Variants in FSD1L observed in about 807,000 individuals in gnomAD.
FSD1L encodes the protein fibronectin type III and SPRY domain containing 1 like.
FSD1L carries 45 observed loss-of-function variants against 71.6 expected under a neutral mutation model. The observed-to-expected ratio is 0.63, with a 90% CI of 0.49 to 0.81. FSD1L has a LOEUF of 0.81. Among genes scored for constraint, FSD1L ranks in the 30% least tolerant of loss-of-function variants. The pLI is 0.00. For missense variants in FSD1L, 561 were observed against 618.1 expected (o/e 0.91, Z 0.98); for synonymous variants, 197 against 207.2 (o/e 0.95, Z 0.42).
At chr9:105,494,730 C>A (rs1017820571) in intron 7 of FSD1L, among the ~76,000 whole-genome samples, 1 of 152,142 alleles carries the variant, frequency 6.6e-6, no homozygotes, top group Admixed American at 6.5e-5. Context: ...GACAGGACCT[C>A]AGCTGCAGGT....
intron 4 of FSD1L, among the ~76,000 whole-genome samples, chr9:105,469,045 C>T (rs1402691264): frequency 6.6e-6 from 1 of 152,190 alleles, no homozygotes. Context: ...CCTATTTCCA[C>T]TCAGCATAAT....
At chr9:105,501,275 T>C (rs1008287767) in intron 7 of FSD1L, among the ~76,000 whole-genome samples, 1 of 152,174 alleles carries the variant, frequency 6.6e-6, no homozygotes, top group Admixed American at 6.6e-5. Flanking sequence ...GGTAGTTATA[T>C]GATAGTTATA....
chr9:105,462,368 C>G (rs1441240553), intron 2 of FSD1L, among the ~76,000 whole-genome samples: 1 of 151,060 alleles, frequency 6.6e-6, no homozygotes, highest in Non-Finnish European at 1.5e-5. Context: ...TTACAGGCGC[C>G]CATCACCACG....
chr9:105,508,190 T>A (rs1274394385), intron 8 of FSD1L, among the ~76,000 whole-genome samples: 1 of 147,924 alleles, frequency 6.8e-6, no homozygotes. Context: ...TTTTTTTTTT[T>A]TTTTTGAGAC....
rs115648482 is a variant in FSD1L, at chr9:105,459,484, C to T, written c.16-2036C>T. ...ATGAGCCTTGGATTACAGTCTTTTT[C>T]ATTTGCTCATCCTCTCTACAGCAGT... On this transcript the variant is annotated intron_variant, in intron 1 of 13. Transcript: ENST00000481272. Among the ~76,000 whole-genome samples the T allele has an allele frequency of 9.3e-3, 1,409 of 152,320 alleles. 22 individuals are homozygous for T. The highest frequency in any genetic ancestry group is 0.032 in the African/African-American group (1,349 of 41,566).
intron 10 of FSD1L, among the ~76,000 whole-genome samples, chr9:105,533,430 T>TTTTTTTTTTTTTTG (rs1836044731): frequency 9.6e-6 from 1 of 104,262 alleles, no homozygotes; most frequent in African/African-American, 3.6e-5. Context: ...TTTTTTTTTT[T>TTTTTTTTTTTTTTG]TTTTTTTTTT....
intron 1 of FSD1L, among the ~76,000 whole-genome samples, chr9:105,457,922 G>T (rs748454689): frequency 6.6e-6 from 1 of 152,256 alleles, no homozygotes. Flanking sequence ...GGCTTCCTCT[G>T]TGGGTGCCTG....
intron 7 of FSD1L, among the ~76,000 whole-genome samples, chr9:105,503,750 A>G (rs1399314232): frequency 1.3e-5 from 2 of 152,178 alleles, no homozygotes; most frequent in African/African-American, 4.8e-5. Flanking sequence ...TATTTGATGA[A>G]TTGTTTTCTT....
At chr9:105,517,216 T>C (rs1203410173) in intron 10 of FSD1L, among the ~76,000 whole-genome samples, 1 of 152,150 alleles carries the variant, frequency 6.6e-6, no homozygotes, top group Non-Finnish European at 1.5e-5. Context: ...TACCTGAAAG[T>C]GATGGGGAGA....
At chr9:105,545,107 C>T (rs1474923835) in intron 13 of FSD1L, among the ~76,000 whole-genome samples, 2 of 151,970 alleles carry the variant, frequency 1.3e-5, no homozygotes, top group Non-Finnish European at 2.9e-5. Flanking sequence ...TTTCATTGAG[C>T]AGTGGTTTGT....
At chr9:105,482,431 GT>G (rs1407769084) in intron 6 of FSD1L, among the ~76,000 whole-genome samples, 1 of 152,166 alleles carries the variant, frequency 6.6e-6, no homozygotes, top group Non-Finnish European at 1.5e-5. Flanking sequence ...ACTATGTTTT[GT>G]AGTTATTTTC....
chr9:105,448,345 C>A, intron 1 of FSD1L, 110 bp downstream of exon 1: 1 of 1,055,196 alleles, frequency 9.5e-7, no homozygotes, highest in Non-Finnish European at 1.3e-6. Context: ...CCTGGCCGGG[C>A]GTCCGGGCTG....
At chr9:105,519,045 C>T (rs924150671) in intron 10 of FSD1L, among the ~76,000 whole-genome samples, 1 of 152,220 alleles carries the variant, frequency 6.6e-6, no homozygotes, top group Non-Finnish European at 1.5e-5. Flanking sequence ...TGCAAATAAA[C>T]TAGAAAATCT....
At chr9:105,515,195 G>A (rs989262269) in intron 10 of FSD1L, among the ~76,000 whole-genome samples, 6 of 152,092 alleles carry the variant, frequency 3.9e-5, no homozygotes, top group Admixed American at 2.0e-4. Flanking sequence ...ATCAACGCCC[G>A]CCTACGCTTG....
At chr9:105,507,662 A>G (rs192695117) in intron 8 of FSD1L, among the ~76,000 whole-genome samples, 4 of 152,278 alleles carry the variant, frequency 2.6e-5, no homozygotes, top group Admixed American at 2.6e-4. Flanking sequence ...ATTTTCACAT[A>G]AAAAACGTTT....
At chr9:105,495,141 G>C (rs1833272801) in intron 7 of FSD1L, among the ~76,000 whole-genome samples, 1 of 152,202 alleles carries the variant, frequency 6.6e-6, no homozygotes, top group African/African-American at 2.4e-5. Context: ...CTTGAGCTGT[G>C]GTGGGCTCCA....
intron 4 of FSD1L, among the ~76,000 whole-genome samples, chr9:105,469,134 G>T (rs1029011938): frequency 1.3e-5 from 2 of 152,138 alleles, no homozygotes; most frequent in East Asian, 1.9e-4. Flanking sequence ...TTCCACTTAT[G>T]TATATACCAC....
At chr9:105,498,714 C>T (rs1231131354) in intron 7 of FSD1L, among the ~76,000 whole-genome samples, 1 of 152,120 alleles carries the variant, frequency 6.6e-6, no homozygotes, top group Non-Finnish European at 1.5e-5. Context: ...GTTGTGTTTT[C>T]ATTTTCATTT....
intron 10 of FSD1L, among the ~76,000 whole-genome samples, chr9:105,529,337 G>A (rs936508834): frequency 6.6e-6 from 1 of 151,982 alleles, no homozygotes; most frequent in African/African-American, 2.4e-5. Flanking sequence ...ATGTTTATCG[G>A]GTCACTATTC....
Sources: allele counts gnomAD v4.1 joint callset (sites outside exome capture counted in the v4.1 genomes callset), GRCh38; gene constraint gnomAD v4.1.1; transcripts MANE v1.5; gene names NCBI Gene and HGNC (gene_info 2026-07-23, HGNC 2026-07-21).